STAG1: variants seen among roughly 807,000 people sequenced by gnomAD.
The protein encoded by STAG1 is STAG1 cohesin complex component, also known as cohesin subunit SA-1.
Under a neutral mutation model 170.9 loss-of-function variants are expected in STAG1, and 26 were observed. The ratio of observed to expected loss-of-function variants is 0.15; its 90% CI spans 0.11 to 0.21. STAG1 has a LOEUF of 0.21. Among genes scored for constraint, STAG1 ranks in the 10% least tolerant of loss-of-function variants. The pLI, the probability that STAG1 is intolerant of heterozygous loss-of-function variation, is 1.00. For missense variants in STAG1, 964 were observed against 1,509.5 expected, an observed-to-expected ratio of 0.64 and a Z score of 5.99; for synonymous variants, 514 against 497.7, an observed-to-expected ratio of 1.03 and a Z score of -0.44.
At chr3:136,654,973 A>G (rs1941328824) in intron 1 of STAG1, among the ~76,000 whole-genome samples, 1 of 152,208 alleles carries the variant, frequency 6.6e-6, no homozygotes, top group Non-Finnish European at 1.5e-5. Flanking sequence ...ATTTAACACT[A>G]AATACAAAAG....
At chr3:136,537,507 T>TG (rs1935693979) in intron 6 of STAG1, among the ~76,000 whole-genome samples, 1 of 148,920 alleles carries the variant, frequency 6.7e-6, no homozygotes, top group Non-Finnish European at 1.5e-5. Context: ...TTTTTTTTGT[T>TG]TTTTTTTTTT....
At chr3:136,379,793 G>GC (rs1270692249) in intron 22 of STAG1, among the ~76,000 whole-genome samples, 1 of 151,964 alleles carries the variant, frequency 6.6e-6, no homozygotes, top group African/African-American at 2.4e-5. Context: ...ACAGCAGCAA[G>GC]AAAAAAAGCT....
chr3:136,599,501 A>T (rs1433048521), intron 4 of STAG1, among the ~76,000 whole-genome samples: 1 of 152,228 alleles, frequency 6.6e-6, no homozygotes, highest in Non-Finnish European at 1.5e-5. Context: ...ACTGCACTCC[A>T]GCCTGGGTGA....
At chr3:136,735,258 T>C (rs759410878) in intron 1 of STAG1, among the ~76,000 whole-genome samples, 14 of 151,252 alleles carry the variant, frequency 9.3e-5, no homozygotes, top group Non-Finnish European at 1.8e-4. Context: ...CCTGAGTAGA[T>C]AGGACTACAG....
chr3:136,548,221 C>T (rs762971893), intron 5 of STAG1, among the ~76,000 whole-genome samples: 3 of 151,990 alleles, frequency 2.0e-5, no homozygotes, highest in South Asian at 4.2e-4. Context: ...TCAGGTGGTC[C>T]TCCCACCTCA....
At chr3:136,465,815 G>C (rs1300365804) in intron 12 of STAG1, among the ~76,000 whole-genome samples, 1 of 152,026 alleles carries the variant, frequency 6.6e-6, no homozygotes, top group Non-Finnish European at 1.5e-5. Flanking sequence ...AGGCATTTCA[G>C]AATTAACCTA....
chr3:136,586,667 T>C (rs1937843804), intron 4 of STAG1: 1 of 313,508 alleles, frequency 3.2e-6, no homozygotes, highest in African/African-American at 2.2e-5. Flanking sequence ...CTATTGTGTT[T>C]TGGAGAAATT....
intron 22 of STAG1, among the ~76,000 whole-genome samples, chr3:136,395,118 G>A (rs1209131015): frequency 6.6e-6 from 1 of 151,888 alleles, no homozygotes; most frequent in Non-Finnish European, 1.5e-5. Context: ...AACAAAATCA[G>A]TTCTGGTAAC....
At chr3:136,518,315 T>C (rs970481243) in intron 7 of STAG1, 2 of 668,752 alleles carry the variant, frequency 3.0e-6, no homozygotes, top group Non-Finnish European at 5.4e-6. Flanking sequence ...AAGCCGATAA[T>C]CATATCTGGC....
intron 4 of STAG1, among the ~76,000 whole-genome samples, chr3:136,601,031 T>G (rs1938650969): frequency 6.6e-6 from 1 of 152,026 alleles, no homozygotes; most frequent in Non-Finnish European, 1.5e-5. Context: ...CAGCTAATTT[T>G]TGTATTTTTA....
Position 136,421,164 on chromosome 3 carries a change from C to CT in STAG1, c.2038-2dup. ...TGTCATCATCATCAGCTTCTTCTCCCTATAAAAAAAGGAAACATCACATCA... is the reference window on the plus strand; with the variant it reads ...TGTCATCATCATCAGCTTCTTCTCCCTTATAAAAAAAGGAAACATCACATCA... On this transcript the variant is annotated splice_acceptor_variant, in intron 19 of 33. Transcript: ENST00000383202. LOFTEE classifies it high-confidence loss of function. The CT allele has an allele frequency of 6.3e-7, 1 of 1,599,962 alleles. No individual in the cohort carries two copies. Among genetic ancestry groups the CT allele is most frequent in the Non-Finnish European group, 8.5e-7 (1 of 1,172,916 alleles).
intron 13 of STAG1, among the ~76,000 whole-genome samples, chr3:136,463,738 T>TGTGTGC (rs1553725775): frequency 0.027 from 1,604 of 59,350 alleles, 25 homozygotes; most frequent in East Asian, 0.14. Flanking sequence ...TGTGTATATG[T>TGTGTGC]GTGTGTGTGT....
chr3:136,587,856 C>A (rs373371959), intron 4 of STAG1, among the ~76,000 whole-genome samples: 2 of 151,496 alleles, frequency 1.3e-5, no homozygotes, highest in African/African-American at 2.4e-5. Context: ...CTGCTCCTCG[C>A]AAGGCTGAGG....
chr3:136,376,591 T>C (rs546518498), intron 23 of STAG1, among the ~76,000 whole-genome samples: 52 of 152,180 alleles, frequency 3.4e-4, no homozygotes, highest in Non-Finnish European at 5.9e-4. Flanking sequence ...ATACCCAATG[T>C]ACATATTACT....
chr3:136,386,104 G>A (rs1488304031), intron 22 of STAG1, among the ~76,000 whole-genome samples: 1 of 152,148 alleles, frequency 6.6e-6, no homozygotes, highest in Non-Finnish European at 1.5e-5. Context: ...TTGGGAGGCC[G>A]AGGCAGGCGG....
chr3:136,661,597 T>C (rs556008465), intron 1 of STAG1, among the ~76,000 whole-genome samples: 2 of 152,262 alleles, frequency 1.3e-5, no homozygotes, highest in Non-Finnish European at 2.9e-5. Flanking sequence ...ATTATGTATA[T>C]GCAAATATTC....
chr3:136,466,166 G>A (rs767515872), intron 12 of STAG1, among the ~76,000 whole-genome samples: 4 of 152,160 alleles, frequency 2.6e-5, no homozygotes, highest in Non-Finnish European at 5.9e-5. Flanking sequence ...TGACTTTCAC[G>A]AGCTGACAGA....
intron 22 of STAG1, among the ~76,000 whole-genome samples, chr3:136,383,786 TCTACTAAAAATACAAAAAA>T (rs1429336035): frequency 4.0e-5 from 6 of 151,742 alleles, no homozygotes; most frequent in African/African-American, 9.7e-5. Context: ...AAACCCCGTC[TCTACTAAAAATACAAAAAA>T]TTAGCTGAGC....
intron 1 of STAG1, among the ~76,000 whole-genome samples, chr3:136,692,630 G>A (rs1303392199): frequency 5.3e-5 from 8 of 150,824 alleles, no homozygotes; most frequent in Admixed American, 4.6e-4. Context: ...GCAAGACTCT[G>A]TCTCAAAAAA....
Sources: allele counts gnomAD v4.1 joint callset (sites outside exome capture counted in the v4.1 genomes callset), GRCh38; gene constraint gnomAD v4.1.1; transcripts MANE v1.5; gene names NCBI Gene and HGNC (gene_info 2026-07-23, HGNC 2026-07-21).